DTNBP1: variants seen among roughly 807,000 people sequenced by gnomAD.
DTNBP1 encodes the protein dystrobrevin binding protein 1.
A neutral mutation model predicts 42.8 loss-of-function variants in DTNBP1; 35 were observed. The observed-to-expected ratio is 0.82, with a 90% CI of 0.63 to 1.09. The LOEUF is 1.09. DTNBP1 is among the 50% of genes least tolerant of loss of function. The pLI, the probability that DTNBP1 is intolerant of heterozygous loss-of-function variation, is 0.00. For missense variants in DTNBP1, 457 were observed against 424.2 expected, an observed-to-expected ratio of 1.08 and a Z score of -0.68; for synonymous variants, 171 against 162.2, an observed-to-expected ratio of 1.05 and a Z score of -0.41.
chr6:15,566,309 C>G (rs376935301), intron 7 of DTNBP1, among the ~76,000 whole-genome samples: 1 of 121,256 alleles, frequency 8.2e-6, no homozygotes, highest in East Asian at 2.3e-4. Context: ...AGCGAGACTC[C>G]GTCTCAAAAA....
chr6:15,568,131 A>G (rs923050828), intron 7 of DTNBP1, among the ~76,000 whole-genome samples: 1 of 152,180 alleles, frequency 6.6e-6, no homozygotes, highest in African/African-American at 2.4e-5. Context: ...ACTTTCCCCT[A>G]AAGTAGGTCC....
chr6:15,604,260 G>A (rs915493961), intron 6 of DTNBP1, among the ~76,000 whole-genome samples: 1 of 152,164 alleles, frequency 6.6e-6, no homozygotes, highest in Non-Finnish European at 1.5e-5. Flanking sequence ...CCATCCTGGT[G>A]GATGCAGAAG....
intron 5 of DTNBP1, among the ~76,000 whole-genome samples, chr6:15,621,648 G>A (rs1362795019): frequency 6.6e-6 from 1 of 152,178 alleles, no homozygotes; most frequent in East Asian, 1.9e-4. Context: ...TCATATTTAT[G>A]TTCTCCCCTT....
chr6:15,554,009 TAAG>T (rs921606402), intron 7 of DTNBP1, among the ~76,000 whole-genome samples: 12 of 152,228 alleles, frequency 7.9e-5, no homozygotes, highest in South Asian at 2.1e-4. Context: ...CTATCTCAAA[TAAG>T]AAGAAGATGC....
At chr6:15,644,266 C>A (rs1760549662) in intron 3 of DTNBP1, among the ~76,000 whole-genome samples, 1 of 150,768 alleles carries the variant, frequency 6.6e-6, no homozygotes, top group African/African-American at 2.4e-5. Context: ...ATATATGTAC[C>A]CAACATCACA....
chr6:15,541,471 G>A (rs1221186463), intron 7 of DTNBP1, among the ~76,000 whole-genome samples: 1 of 151,980 alleles, frequency 6.6e-6, no homozygotes, highest in African/African-American at 2.4e-5. Flanking sequence ...TATTATACTG[G>A]GGAAAGCCAG....
At chr6:15,591,691 G>A (rs575550685) in intron 7 of DTNBP1, among the ~76,000 whole-genome samples, 56 of 151,992 alleles carry the variant, frequency 3.7e-4, no homozygotes, top group African/African-American at 1.3e-3. Context: ...TCTGAATATT[G>A]TCACACTAAA....
chr6:15,613,490 C>G (rs1203088340), intron 6 of DTNBP1, among the ~76,000 whole-genome samples: 1 of 151,050 alleles, frequency 6.6e-6, no homozygotes, highest in East Asian at 2.0e-4. Flanking sequence ...CCTCAGCCTC[C>G]CGAGTAGCTG....
rs990405290 is a variant in DTNBP1, at chr6:15,587,532, G to T, written c.511+5527C>A. Among the ~76,000 whole-genome samples, 1 of 152,162 alleles carries T rather than the reference G, an allele frequency of 6.6e-6. No individual in the cohort carries two copies. The highest frequency in any genetic ancestry group is 2.4e-5 in the African/African-American group (1 of 41,424). ...TTACTACGAAGCTACACTAGTCAAG[G>T]CAGTGTGGCACTGGCAATAAGGAAC... On this transcript the variant is annotated intron_variant, in intron 7 of 9. Transcript: ENST00000344537. This position sits in a 1 kb window ranked among gnomAD's most constrained non-coding sequence, Gnocchi z 4.1.
intron 7 of DTNBP1, among the ~76,000 whole-genome samples, chr6:15,577,726 G>A (rs1202723762): frequency 6.6e-6 from 1 of 152,162 alleles, no homozygotes; most frequent in African/African-American, 2.4e-5. Context: ...CTAGAATTTA[G>A]GGGTGAGGCC....
intron 8 of DTNBP1, among the ~76,000 whole-genome samples, chr6:15,532,468 A>C (rs556359998): frequency 6.6e-6 from 1 of 152,264 alleles, no homozygotes; most frequent in South Asian, 2.1e-4. Flanking sequence ...ATTTTTAACA[A>C]CAGGCGGAAA....
chr6:15,658,146 T>C (rs183964873), intron 1 of DTNBP1, among the ~76,000 whole-genome samples: 1 of 152,328 alleles, frequency 6.6e-6, no homozygotes, highest in Admixed American at 6.5e-5. Flanking sequence ...TAGGAAAGAC[T>C]AGGCAAACCT....
intron 6 of DTNBP1, among the ~76,000 whole-genome samples, chr6:15,604,283 T>C (rs1321516341): frequency 1.3e-5 from 2 of 152,326 alleles, no homozygotes; most frequent in South Asian, 4.1e-4. Context: ...TGCTCCCTTT[T>C]TGTAAAGTCA....
At position 15,627,375 on chromosome 6, in the gene DTNBP1, A is replaced by G; in HGVS notation, c.323T>C (p.Ile108Thr). ...TGCTGTCATGGATTCTAAGTCTGCG[A>G]TTAAAGCTGGGAGCTGCTGGAGCTG... ...QEQLQQLPAL[I>T]ADLESMTANL... The change falls in exon 5 of 10, where the codon ATC becomes ACC. Residue 108 changes from isoleucine to threonine, a missense_variant. Physicochemically the swap from Ile to Thr is moderately conservative, Grantham distance 89. Transcript: ENST00000344537. The G allele has an allele frequency of 1.2e-6, 2 of 1,613,922 alleles. No homozygotes were observed. Among genetic ancestry groups the G allele is most frequent in the Middle Eastern group, 3.3e-4 (2 of 6,048 alleles).
In DTNBP1 at chr6:15,645,182, G is replaced by GATA. The variant is rs1354000826; in HGVS notation, c.161+6130_161+6131insTAT. ...TGTGCACAAATTAGAAGACCTAGAGGAAATGGATTAATTCCTAGAAACACA... is the reference window on the plus strand; with the variant it reads ...TGTGCACAAATTAGAAGACCTAGAGGATAAAATGGATTAATTCCTAGAAACACA... On this transcript the variant is annotated intron_variant, in intron 3 of 9. Coordinates refer to ENST00000344537, the MANE Select transcript of DTNBP1 (RefSeq NM_032122.5). Among the ~76,000 whole-genome samples the GATA allele has an allele frequency of 6.4e-4, 98 of 152,026 alleles. 1 individual carries two copies. Among genetic ancestry groups the GATA allele is most frequent in the Middle Eastern group, 3.4e-3 (1 of 294 alleles).
At position 15,522,999 on chromosome 6, in the gene DTNBP1, A is replaced by G. The variant is rs748966122; in HGVS notation, c.1032T>C (p.Asp344=). 3.1e-6 allele frequency: 5 copies of G among 1,614,178 alleles called. No individual in the cohort carries two copies. Among genetic ancestry groups the G allele is most frequent in the Non-Finnish European group, 3.4e-6 (4 of 1,180,030 alleles). ...TSHTDREATP[D]GGEDSDS The stretch of plus-strand genomic sequence containing the variant: ...TTTAAGAGTCGCTGTCCTCACCACC[A>G]TCCGGAGTGGCCTCTCTGTCAGTGT... Residue 344 remains aspartate (D), a synonymous_variant, in exon 10 of 10, where the codon GAT becomes GAC. Coordinates refer to ENST00000344537, the MANE Select transcript of DTNBP1 (RefSeq NM_032122.5).
chr6:15,598,520 C>T (rs1776599943), intron 6 of DTNBP1, among the ~76,000 whole-genome samples: 1 of 152,128 alleles, frequency 6.6e-6, no homozygotes, highest in African/African-American at 2.4e-5. Flanking sequence ...GAACAGTGTC[C>T]CTTTGTTATG....
intron 7 of DTNBP1, among the ~76,000 whole-genome samples, chr6:15,554,712 C>T (rs1159146854): frequency 6.6e-6 from 1 of 152,130 alleles, no homozygotes; most frequent in Non-Finnish European, 1.5e-5. Context: ...AAGGTGCACA[C>T]ATGCAACGGA....
intron 6 of DTNBP1, among the ~76,000 whole-genome samples, chr6:15,607,460 C>T (rs750272465): frequency 2.0e-5 from 3 of 151,148 alleles, no homozygotes; most frequent in Non-Finnish European, 4.4e-5. Flanking sequence ...CAACACCATG[C>T]CCAGCTAATT....
Sources: allele counts gnomAD v4.1 joint callset (sites outside exome capture counted in the v4.1 genomes callset), GRCh38; gene constraint gnomAD v4.1.1; non-coding constraint Gnocchi (gnomAD v3.1); transcripts MANE v1.5; gene names NCBI Gene and HGNC (gene_info 2026-07-23, HGNC 2026-07-21).